Variants in COL15A1 observed in about 807,000 individuals in gnomAD.
COL15A1 encodes the protein collagen type XV alpha 1 chain.
COL15A1 carries 111 observed loss-of-function variants against 165.9 expected under a neutral mutation model. The ratio of observed to expected loss-of-function variants is 0.67; its 90% CI spans 0.57 to 0.78. COL15A1 has a LOEUF of 0.78. Ranked by LOEUF, COL15A1 falls within the 30% of genes least tolerant of loss-of-function variation. The probability of loss-of-function intolerance (pLI) is 0.00; values close to 1 mark genes in which losing one functional copy is unlikely to be tolerated. For missense variants in COL15A1, 1,745 were observed against 1,789.7 expected (o/e 0.98, Z 0.45); for synonymous variants, 659 against 674.8 (o/e 0.98, Z 0.36).
In COL15A1 at chr9:99,015,459, A is replaced by G; in HGVS notation, c.1396A>G (p.Thr466Ala). ...EDSLTTAAAA[T>A]EVSLSTFEDE... Reference sequence around the variant, plus strand: ...CAGTTTAACAACAGCTGCAGCTGCAACCGAAGTGTCCCTCAGTACTTTTGA... The same window carrying G: ...CAGTTTAACAACAGCTGCAGCTGCAGCCGAAGTGTCCCTCAGTACTTTTGA... Residue 466 changes from threonine to alanine, a missense_variant, in exon 10 of 42, where the codon ACC becomes GCC. Transcript: ENST00000375001. The G allele has an allele frequency of 6.2e-7, 1 of 1,609,122 alleles. No individual in the cohort carries two copies.
chr9:98,997,073 CCAAACAAGG>C lies in COL15A1; in HGVS notation c.948_952+4del. 1 of 1,614,148 alleles carries C rather than the reference CCAAACAAGG, an allele frequency of 6.2e-7. No individual in the cohort carries two copies. Among genetic ancestry groups the C allele is most frequent in the Non-Finnish European group, 8.5e-7 (1 of 1,180,010 alleles). On this transcript the variant is annotated splice_donor_variant and coding_sequence_variant, in exon 6 of 42. Coordinates refer to ENST00000375001, the MANE Select transcript of COL15A1 (RefSeq NM_001855.5). LOFTEE classifies it high-confidence loss of function. ...ATGAGCATCATCCAGCACAGCAGCC[CCAAACAAGG>C]CAAGTCCGGATGCACATGCCTACGT...
In COL15A1 at chr9:99,047,844, G is replaced by T. The variant is rs972395071; in HGVS notation, c.2733+5G>T. Reference sequence around the variant, plus strand: ...TTTGGCCTTCCCGGGCGACCTGTAGGTATCAGTGTTCATTGGACAGGCTGG... The same window carrying T: ...TTTGGCCTTCCCGGGCGACCTGTAGTTATCAGTGTTCATTGGACAGGCTGG... On this transcript the variant is annotated splice_donor_5th_base_variant and intron_variant, in intron 27 of 41. Coordinates refer to ENST00000375001, the MANE Select transcript of COL15A1 (RefSeq NM_001855.5). 2 of 1,614,064 alleles carry T rather than the reference G, an allele frequency of 1.2e-6. No individual in the cohort carries two copies. Among genetic ancestry groups the T allele is most frequent in the East Asian group, 2.2e-5 (1 of 44,872 alleles).
At chr9:99,065,280 T>C (rs1825873520) in intron 39 of COL15A1, among the ~76,000 whole-genome samples, 1 of 152,154 alleles carries the variant, frequency 6.6e-6, no homozygotes, top group African/African-American at 2.4e-5. Context: ...GCCCCTGGCA[T>C]TGGGGAAGCC....
intron 2 of COL15A1, among the ~76,000 whole-genome samples, chr9:98,965,583 G>A (rs1282721478): frequency 1.3e-5 from 2 of 151,834 alleles, no homozygotes; most frequent in Non-Finnish European, 2.9e-5. Flanking sequence ...GCTATCTCGG[G>A]GTCCCATTTC....
chr9:98,948,623 A>G (rs1837626922), intron 2 of COL15A1, among the ~76,000 whole-genome samples: 1 of 146,880 alleles, frequency 6.8e-6, no homozygotes, highest in Non-Finnish European at 1.5e-5. Flanking sequence ...AAAAAGAGAC[A>G]CTTGTCAGTG....
chr9:99,068,632 C>A lies in COL15A1; in HGVS notation c.3915C>A (p.Tyr1305Ter). The A allele has an allele frequency of 6.4e-7, 1 of 1,560,312 alleles. No homozygotes were observed. Among genetic ancestry groups the A allele is most frequent in the Non-Finnish European group, 8.6e-7 (1 of 1,161,868 alleles). Residue 1305 changes from tyrosine (Y) to a stop codon, truncating the protein, a stop_gained, in exon 41 of 42, where the codon TAC (tyrosine) becomes TAA (stop). Transcript: ENST00000375001. LOFTEE classifies it high-confidence loss of function. ...GGQFNMHIPI[Y>*]SFDGRDIMTD... ...AGTTCAATATGCATATTCCAATATA[C>A]TCCTTTGATGGTCGAGACATAATGA... is the stretch of plus-strand genomic sequence containing the variant.
chr9:99,062,360 T>C (rs1825830340), intron 38 of COL15A1, 56 bp downstream of exon 38: 2 of 1,286,822 alleles, frequency 1.6e-6, no homozygotes, highest in Non-Finnish European at 1.1e-6. Context: ...ATTTCCTGAG[T>C]CCTCCTTGGT....
chr9:99,015,474 A>G lies in COL15A1; in HGVS notation c.1411A>G (p.Ser471Gly). The G allele has an allele frequency of 6.2e-7, 1 of 1,608,528 alleles. No individual in the cohort carries two copies. Among genetic ancestry groups the G allele is most frequent in the Non-Finnish European group, 8.5e-7 (1 of 1,175,368 alleles). Residue 471 changes from serine to glycine, a missense_variant, in exon 10 of 42, where the codon AGT becomes GGT. By Grantham distance (56) the Ser-to-Gly change is moderately conservative. Coordinates refer to ENST00000375001, the MANE Select transcript of COL15A1 (RefSeq NM_001855.5). ...TAAAATEVSL[S>G]TFEDEEASGV... ...TGCAGCTGCAACCGAAGTGTCCCTC[A>G]GTACTTTTGAGGATGAGGAAGCCAG...
intron 41 of COL15A1, among the ~76,000 whole-genome samples, chr9:99,069,283 G>A (rs964353716): frequency 3.9e-5 from 6 of 152,132 alleles, no homozygotes; most frequent in Non-Finnish European, 7.4e-5. Flanking sequence ...GGTACCATAG[G>A]ATATACAGGA....
intron 16 of COL15A1, among the ~76,000 whole-genome samples, chr9:99,029,152 A>C (rs1003248047): frequency 7.2e-5 from 11 of 152,222 alleles, no homozygotes; most frequent in Non-Finnish European, 1.5e-4. Context: ...TAGTATTAAC[A>C]GTTGTTGTTG....
Position 98,974,185 on chromosome 9 carries a change from G to C in COL15A1, c.101-11380G>C, listed in dbSNP as rs747757617. ...ATGAGAAAGGACTTCCGAAGACTTC[G>C]AATTGTGCAGCAATGGTCAGGTGGC... is the stretch of plus-strand genomic sequence containing the variant. On this transcript the variant is annotated intron_variant, in intron 2 of 41. Coordinates refer to ENST00000375001, the MANE Select transcript of COL15A1 (RefSeq NM_001855.5). 3.4e-4 allele frequency among the ~76,000 whole-genome samples: 52 copies of C among 152,180 alleles called. 1 individual carries two copies. Among genetic ancestry groups the C allele is most frequent in the Non-Finnish European group, 4.9e-4 (33 of 68,036 alleles).
intron 9 of COL15A1, among the ~76,000 whole-genome samples, chr9:99,008,585 C>T (rs969684565): frequency 1.3e-5 from 2 of 152,126 alleles, no homozygotes; most frequent in African/African-American, 4.8e-5. Flanking sequence ...GAAATATGCT[C>T]CAAATTTTGT....
Position 99,066,952 on chromosome 9 carries a change from C to G in COL15A1, c.3722C>G (p.Ala1241Gly). ...IRADFQCFKQARAAGLLSTYR... is the reference protein window; with the variant it reads ...IRADFQCFKQGRAAGLLSTYR... ...GCTGATTTTCAGTGCTTCAAGCAGG[C>G]CAGAGCTGCAGGACTGTTGTCCACC... Residue 1241 changes from alanine to glycine, a missense_variant, in exon 40 of 42, where the codon GCC (alanine) becomes GGC (glycine). Coordinates refer to ENST00000375001, the MANE Select transcript of COL15A1 (RefSeq NM_001855.5). 6.2e-7 allele frequency: 1 copy of G among 1,614,090 alleles called. No homozygotes were observed. Among genetic ancestry groups the G allele is most frequent in the Non-Finnish European group, 8.5e-7 (1 of 1,180,010 alleles).
chr9:98,988,263 G>A (rs1356503888), intron 4 of COL15A1, among the ~76,000 whole-genome samples: 1 of 152,198 alleles, frequency 6.6e-6, no homozygotes, highest in East Asian at 1.9e-4. Flanking sequence ...GAATGCCTGT[G>A]TTCCATGAGC....
intron 2 of COL15A1, among the ~76,000 whole-genome samples, chr9:98,950,610 C>CTA: frequency 7.1e-6 from 1 of 139,924 alleles, no homozygotes; most frequent in African/African-American, 2.8e-5. Flanking sequence ...CTCCCTCTCT[C>CTA]TCTTCCTTTC....
chr9:99,060,251 TATA>T (rs1319462317), intron 36 of COL15A1, among the ~76,000 whole-genome samples: 49 of 130,420 alleles, frequency 3.8e-4, no homozygotes, highest in African/African-American at 1.2e-3. Flanking sequence ...TATATATATA[TATA>T]TATTTTTTTT....
At chr9:99,062,858 A>G (rs1210853244) in intron 38 of COL15A1, among the ~76,000 whole-genome samples, 192 bp from the exon 39 acceptor site, 1 of 152,104 alleles carries the variant, frequency 6.6e-6, no homozygotes, top group Non-Finnish European at 1.5e-5. Flanking sequence ...TCTTGAGAAC[A>G]TTTTCTCCCT....
In COL15A1 at chr9:98,987,288, C is replaced by T. The variant is rs749764295; in HGVS notation, c.649-6C>T. 11 of 1,612,548 alleles carry T rather than the reference C, an allele frequency of 6.8e-6. No individual in the cohort carries two copies. The African/African-American group carries it at 1.1e-4, about 16-fold the overall frequency. On this transcript the variant is annotated splice_polypyrimidine_tract_variant and splice_region_variant and intron_variant, in intron 3 of 41. Coordinates refer to ENST00000375001, the MANE Select transcript of COL15A1 (RefSeq NM_001855.5). ...CCGTGGCTTCTGATCCGTCTCTTTT[C>T]CCCAGGGCTCCCTCCAGCAGCTCAC... is the stretch of plus-strand genomic sequence containing the variant.
chr9:98,983,693 A>G (rs1346397167), intron 2 of COL15A1, among the ~76,000 whole-genome samples: 1 of 152,236 alleles, frequency 6.6e-6, no homozygotes, highest in South Asian at 2.1e-4. Flanking sequence ...GAGATTGTTC[A>G]GTGGATATAA....
Sources: gnomAD v4.1 joint callset for allele counts (sites outside exome capture counted in the v4.1 genomes callset) on GRCh38, gnomAD v4.1.1 for gene constraint, MANE v1.5 for transcripts, NCBI Gene and HGNC (gene_info 2026-07-23, HGNC 2026-07-21) for gene names.